The following KIAA1217 variants were observed in gnomAD, a reference collection of about 807,000 sequenced individuals.
The protein encoded by KIAA1217 is sickle tail protein homolog.
A neutral mutation model predicts 163.9 loss-of-function variants in KIAA1217; 88 were observed. The ratio of observed to expected loss-of-function variants is 0.54; its 90% confidence interval spans 0.45 to 0.64. KIAA1217 has a LOEUF of 0.64. KIAA1217 is among the 30% of genes least tolerant of loss of function. The pLI, the probability that KIAA1217 is intolerant of heterozygous loss-of-function variation, is 0.00. For missense variants in KIAA1217, 2,372 were observed against 2,475.0 expected (o/e 0.96, Z 0.88); for synonymous variants, 903 against 923.1 (o/e 0.98, Z 0.39).
At chr10:23,895,709 A>G (rs1841655164) in intron 1 of KIAA1217, among the ~76,000 whole-genome samples, 1 of 152,102 alleles carries the variant, frequency 6.6e-6, no homozygotes, top group African/African-American at 2.4e-5. Context: ...TTATTGCGGC[A>G]CTGTTCACAA....
chr10:23,940,460 C>CAAAAA (rs760090400), intron 1 of KIAA1217, among the ~76,000 whole-genome samples: 34 of 45,956 alleles, frequency 7.4e-4, no homozygotes, highest in African/African-American at 1.3e-3. Flanking sequence ...GACTCCGTCT[C>CAAAAA]AAAAAAAAAA....
chr10:24,099,116 T>A (rs1300957359), intron 2 of KIAA1217, among the ~76,000 whole-genome samples: 2 of 151,848 alleles, frequency 1.3e-5, no homozygotes, highest in African/African-American at 2.4e-5. Flanking sequence ...ATTTCCCGGC[T>A]CCCAGGAAGA....
chr10:23,882,251 C>A (rs1453100324), intron 1 of KIAA1217, among the ~76,000 whole-genome samples: 1 of 151,934 alleles, frequency 6.6e-6, no homozygotes, highest in Non-Finnish European at 1.5e-5. Context: ...AAACCTGAGT[C>A]AGTGTACAGC....
chr10:24,502,359 G>T (rs371161342), intron 9 of KIAA1217, among the ~76,000 whole-genome samples: 3 of 149,096 alleles, frequency 2.0e-5, no homozygotes. Context: ...GATTTGTTAC[G>T]AAAAACATCT....
Position 24,100,360 on chromosome 10 carries a change from G to C in KIAA1217, c.-171+92986G>C, listed in dbSNP as rs2062364226. 3.3e-5 allele frequency among the ~76,000 whole-genome samples: 5 copies of C among 152,190 alleles called. No individual in the cohort carries two copies. In the South Asian group the frequency reaches 1.0e-3, roughly 32 times the overall value. On this transcript the variant is annotated intron_variant, in intron 2 of 18. Coordinates refer to the KIAA1217 transcript ENST00000376462. The stretch of plus-strand genomic sequence containing the variant: ...GCCAGAGAGGACACTCTGTGACTCG[G>C]TATGAAGCCCAGGAGATAGCAATAG...
At chr10:24,076,136 C>T (rs376736166) in intron 2 of KIAA1217, among the ~76,000 whole-genome samples, 4 of 152,240 alleles carry the variant, frequency 2.6e-5, no homozygotes, top group African/African-American at 9.6e-5. Flanking sequence ...AGACCCAAGG[C>T]AGATATTGGG....
chr10:24,380,868 G>C lies in KIAA1217; in HGVS notation c.355-1G>C. 6.6e-7 allele frequency: 1 copy of C among 1,504,236 alleles called. No individual in the cohort carries two copies. The highest frequency in any genetic ancestry group is 8.9e-7 in the Non-Finnish European group (1 of 1,123,926). 93.2% of individuals were successfully genotyped at this position (1,504,236 alleles called of 1,614,324 possible). On this transcript the variant is annotated splice_acceptor_variant, in intron 2 of 20. Transcript: ENST00000376454. LOFTEE classifies it high-confidence loss of function. ...CACTTTCTTTAAAATGCCTTTTGCA[G>C]ACAAGGAGCCCCAAACTGTCTCACA...
rs762239701 is a variant in KIAA1217, at chr10:24,543,474, G to A, written c.4204G>A (p.Asp1402Asn). 1.4e-5 allele frequency: 22 copies of A among 1,613,992 alleles called. No individual in the cohort carries two copies. The change falls in exon 19 of 21, where the codon GAT becomes AAT. Residue 1402 changes from aspartate to asparagine, a missense_variant. By Grantham distance (23) the Asp-to-Asn change is conservative. This residue lies in a region of KIAA1217 where 690 missense variants were observed against 677.5 expected (regional missense o/e 1.02). Transcript: ENST00000376454. ...GGTTCTTTCCAGTGGGGAGGTGCAT[G>A]ATATTGTTAGCCAAAAGGGAGAAGA... The part of the protein sequence containing the change: ...VQVLSSGEVH[D>N]IVSQKGEDIQ...
At chr10:23,875,418 C>T (rs1192969235) in intron 1 of KIAA1217, among the ~76,000 whole-genome samples, 1 of 151,870 alleles carries the variant, frequency 6.6e-6, no homozygotes, top group Non-Finnish European at 1.5e-5. Context: ...CCAGGATATC[C>T]AAGAAAAGAG....
chr10:23,811,976 T>C (rs1339117564), intron 1 of KIAA1217, among the ~76,000 whole-genome samples: 1 of 152,058 alleles, frequency 6.6e-6, no homozygotes, highest in Non-Finnish European at 1.5e-5. Flanking sequence ...TCCCAGCTGT[T>C]TGGGGGGCTG....
chr10:24,069,896 G>C (rs1366907879), intron 2 of KIAA1217, among the ~76,000 whole-genome samples: 1 of 152,026 alleles, frequency 6.6e-6, no homozygotes, highest in Non-Finnish European at 1.5e-5. Flanking sequence ...CTGGAGTGCA[G>C]TGGTGCAATC....
At chr10:24,266,845 T>C (rs1349774837) in intron 2 of KIAA1217, among the ~76,000 whole-genome samples, 1 of 152,200 alleles carries the variant, frequency 6.6e-6, no homozygotes, top group African/African-American at 2.4e-5. Context: ...CCTTCCACGA[T>C]GTGGAAGCTT....
Position 24,081,395 on chromosome 10 carries a change from A to G in KIAA1217, c.-171+74021A>G, listed in dbSNP as rs117521725. Among the ~76,000 whole-genome samples the G allele has an allele frequency of 1.6e-3, 243 of 152,262 alleles. 3 individuals are homozygous for G. In the East Asian group the frequency reaches 0.029, roughly 18 times the overall value. The stretch of plus-strand genomic sequence containing the variant: ...TTTCTGTCTGTGTTCTGTGGGGGAT[A>G]CGGATGAATGCTGGGATGAGACAGG... On this transcript the variant is annotated intron_variant, in intron 2 of 18. Coordinates refer to the KIAA1217 transcript ENST00000376462.
chr10:24,293,867 G>A (rs1029737443), intron 2 of KIAA1217, among the ~76,000 whole-genome samples: 1 of 152,212 alleles, frequency 6.6e-6, no homozygotes, highest in Non-Finnish European at 1.5e-5. Flanking sequence ...GCTTGCTGGT[G>A]TCCTGGCATG....
At chr10:24,539,697 T>C (rs2074713251) in intron 17 of KIAA1217, among the ~76,000 whole-genome samples, 1 of 152,212 alleles carries the variant, frequency 6.6e-6, no homozygotes, top group Admixed American at 6.5e-5. Flanking sequence ...TTAATCTCAG[T>C]AGATTAACCT....
intron 1 of KIAA1217, among the ~76,000 whole-genome samples, chr10:24,215,917 T>G (rs1406103394): frequency 4.6e-5 from 7 of 152,154 alleles, no homozygotes; most frequent in African/African-American, 1.7e-4. Flanking sequence ...AGGAGTGAGC[T>G]CCAAAGGCAA....
chr10:24,297,310 G>C (rs2040744079), intron 2 of KIAA1217, among the ~76,000 whole-genome samples: 1 of 152,144 alleles, frequency 6.6e-6, no homozygotes. Context: ...CATGCTTAGT[G>C]GTCTGTTTCT....
chr10:24,251,400 C>CAAAAAAAAAAAA (rs55668887), intron 2 of KIAA1217, among the ~76,000 whole-genome samples: 2 of 90,528 alleles, frequency 2.2e-5, no homozygotes, highest in African/African-American at 4.2e-5. Context: ...GACACTGTCT[C>CAAAAAAAAAAAA]AAAAAAAAAA....
chr10:24,460,253 G>T (rs979427239), intron 5 of KIAA1217, among the ~76,000 whole-genome samples: 1 of 152,086 alleles, frequency 6.6e-6, no homozygotes, highest in Non-Finnish European at 1.5e-5. Context: ...TCATTCATAA[G>T]CCTATAAAAT....
Sources: gnomAD v4.1 joint callset for allele counts (sites outside exome capture counted in the v4.1 genomes callset) on GRCh38, gnomAD v4.1.1 for gene constraint, gnomAD v4.1.1 regional missense constraint, MANE v1.5 for transcripts, NCBI Gene and HGNC (gene_info 2026-07-23, HGNC 2026-07-21) for gene names.